The following CPNE8 variants were observed in gnomAD, a reference collection of about 807,000 sequenced individuals.
CPNE8 encodes copine 8, also known as copine-8.
A neutral mutation model predicts 81.5 loss-of-function variants in CPNE8; 45 were observed. The observed-to-expected ratio is 0.55, with a 90% CI of 0.44 to 0.71. The LOEUF (loss-of-function observed/expected upper bound fraction) is 0.71. Among genes scored for constraint, CPNE8 ranks in the 30% least tolerant of loss-of-function variants. The probability of loss-of-function intolerance (pLI) is 0.00; values close to 1 mark genes in which losing one functional copy is unlikely to be tolerated. For synonymous variants in CPNE8, 252 were observed against 226.3 expected (o/e 1.11, Z -1.02); for missense variants, 594 against 672.1 (o/e 0.88, Z 1.28).
At chr12:38,731,830 G>T (rs921713520) in intron 10 of CPNE8, among the ~76,000 whole-genome samples, 1 of 151,770 alleles carries the variant, frequency 6.6e-6, no homozygotes. Context: ...CGGTAACATT[G>T]GTTTAATCAG....
intron 19 of CPNE8, among the ~76,000 whole-genome samples, chr12:38,657,149 C>T (rs550302880): frequency 2.6e-5 from 4 of 152,060 alleles, no homozygotes; most frequent in Non-Finnish European, 5.9e-5. Flanking sequence ...CAGACTGTAC[C>T]TGGAAAAAGG....
intron 3 of CPNE8, among the ~76,000 whole-genome samples, chr12:38,867,562 C>T (rs1183380239): frequency 6.6e-6 from 1 of 152,064 alleles, no homozygotes; most frequent in Admixed American, 6.6e-5. Flanking sequence ...CACTTGCCTT[C>T]TTTTATCACA....
intron 10 of CPNE8, among the ~76,000 whole-genome samples, chr12:38,747,687 C>T (rs932472801): frequency 5.3e-5 from 8 of 151,942 alleles, no homozygotes; most frequent in African/African-American, 1.9e-4. Flanking sequence ...TGAAATGTGG[C>T]TAGTATGAAT....
chr12:38,799,321 C>A (rs11536164), intron 6 of CPNE8, among the ~76,000 whole-genome samples: 10,189 of 151,982 alleles, frequency 0.067, 570 homozygotes, highest in East Asian at 0.3. Context: ...GCAAATGTAA[C>A]ACAACAGAAA....
At chr12:38,869,887 GT>G (rs907457799) in intron 3 of CPNE8, among the ~76,000 whole-genome samples, 1 of 152,050 alleles carries the variant, frequency 6.6e-6, no homozygotes, top group Non-Finnish European at 1.5e-5. Flanking sequence ...AAAATACTCT[GT>G]TTTTTCTATT....
intron 4 of CPNE8, among the ~76,000 whole-genome samples, chr12:38,842,612 G>C (rs1432237423): frequency 1.9e-5 from 2 of 102,820 alleles, no homozygotes; most frequent in Non-Finnish European, 3.5e-5. Flanking sequence ...GTCTCACTCT[G>C]TTGCCCAGGC....
chr12:38,782,978 A>G (rs888621648), intron 6 of CPNE8, among the ~76,000 whole-genome samples: 2 of 152,108 alleles, frequency 1.3e-5, no homozygotes. Context: ...CCCCACCTTG[A>G]CTACTCTCGC....
chr12:38,833,126 G>A (rs1009459277), intron 5 of CPNE8, among the ~76,000 whole-genome samples: 5 of 151,886 alleles, frequency 3.3e-5, no homozygotes, highest in Non-Finnish European at 1.5e-5. Flanking sequence ...GCCGAGGCGG[G>A]CGGATCACTT....
intron 3 of CPNE8, among the ~76,000 whole-genome samples, chr12:38,858,169 T>C (rs1264965134): frequency 2.0e-5 from 3 of 152,226 alleles, no homozygotes; most frequent in African/African-American, 4.8e-5. Flanking sequence ...AGGAGCCTAA[T>C]TGTGGTAGAG....
At chr12:38,687,209 A>C (rs1371650864) in intron 15 of CPNE8, among the ~76,000 whole-genome samples, 1 of 152,080 alleles carries the variant, frequency 6.6e-6, no homozygotes, top group Non-Finnish European at 1.5e-5. Context: ...TAGGACTGCC[A>C]TTAACCCCAC....
chr12:38,752,575 A>G (rs1245888903), intron 10 of CPNE8, among the ~76,000 whole-genome samples: 1 of 152,152 alleles, frequency 6.6e-6, no homozygotes, highest in Non-Finnish European at 1.5e-5. Flanking sequence ...TTTCAATATC[A>G]CCTCTGGTAA....
intron 12 of CPNE8, among the ~76,000 whole-genome samples, chr12:38,724,562 T>C (rs1049608816): frequency 7.2e-5 from 11 of 152,262 alleles, no homozygotes; most frequent in Non-Finnish European, 1.3e-4. Context: ...ATACTTGGAT[T>C]CCACTGAATG....
intron 10 of CPNE8, among the ~76,000 whole-genome samples, chr12:38,746,042 C>T (rs968613601): frequency 6.6e-6 from 1 of 152,098 alleles, no homozygotes; most frequent in African/African-American, 2.4e-5. Context: ...AAAACCACTG[C>T]TTTAAGTGGC....
chr12:38,790,765 C>CAACA (rs1278099315), intron 6 of CPNE8, among the ~76,000 whole-genome samples: 1 of 151,426 alleles, frequency 6.6e-6, no homozygotes, highest in Non-Finnish European at 1.5e-5. Context: ...TTAAAAACAA[C>CAACA]AACAAACAAA....
chr12:38,717,426 G>GCTATATATATATAT (rs1565581359), intron 13 of CPNE8, among the ~76,000 whole-genome samples: 1 of 27,780 alleles, frequency 3.6e-5, no homozygotes, highest in Non-Finnish European at 7.2e-5. Flanking sequence ...AAGAAAGTGT[G>GCTATATATATATAT]GTGTATATAT....
chr12:38,730,138 A>C (rs1940797377), intron 11 of CPNE8, 145 bp downstream of exon 11: 1 of 562,730 alleles, frequency 1.8e-6, no homozygotes, highest in African/African-American at 2.0e-5. Context: ...TGAATCTAAA[A>C]ATGTCTGCTC....
intron 5 of CPNE8, among the ~76,000 whole-genome samples, chr12:38,833,695 G>A (rs535903514): frequency 6.6e-6 from 1 of 151,992 alleles, no homozygotes; most frequent in African/African-American, 2.4e-5. Flanking sequence ...AGCCAGGATG[G>A]TCTCGATCTC....
chr12:38,901,246 A>T (rs867775573), intron 1 of CPNE8, among the ~76,000 whole-genome samples: 90 of 152,296 alleles, frequency 5.9e-4, no homozygotes, highest in Admixed American at 4.0e-3. Flanking sequence ...CAGTATTATC[A>T]CCATTATAGG....
chr12:38,809,382 C>CA (rs1942888780), intron 6 of CPNE8, among the ~76,000 whole-genome samples: 4 of 152,200 alleles, frequency 2.6e-5, no homozygotes, highest in African/African-American at 9.6e-5. Flanking sequence ...CTAACTTTCT[C>CA]TTGCATTGCA....
Sources: gnomAD v4.1 joint callset for allele counts (sites outside exome capture counted in the v4.1 genomes callset) on GRCh38, gnomAD v4.1.1 for gene constraint, MANE v1.5 for transcripts, NCBI Gene and HGNC (gene_info 2026-07-23, HGNC 2026-07-21) for gene names.